ANKS1B: variants seen among roughly 807,000 people sequenced by gnomAD.
ANKS1B encodes the protein ankyrin repeat and sterile alpha motif domain-containing protein 1B.
A neutral mutation model predicts 148.3 loss-of-function variants in ANKS1B; 36 were observed. The ratio of observed to expected loss-of-function variants is 0.24; its 90% confidence interval spans 0.19 to 0.32. The LOEUF (loss-of-function observed/expected upper bound fraction) is 0.32. Among genes scored for constraint, ANKS1B ranks in the 10% least tolerant of loss-of-function variants. The pLI, the probability that ANKS1B is intolerant of heterozygous loss-of-function variation, is 1.00. For missense variants in ANKS1B, 1,157 were observed against 1,542.6 expected (o/e 0.75, Z 4.19); for synonymous variants, 542 against 560.8 (o/e 0.97, Z 0.47).
chr12:99,479,304 T>C (rs1454582438), intron 10 of ANKS1B, among the ~76,000 whole-genome samples: 1 of 152,092 alleles, frequency 6.6e-6, no homozygotes, highest in East Asian at 1.9e-4. Context: ...AATATAACCA[T>C]TTCAACTTTA....
intron 1 of ANKS1B, among the ~76,000 whole-genome samples, chr12:99,936,948 G>A (rs2094791256): frequency 6.6e-6 from 1 of 152,144 alleles, no homozygotes; most frequent in Non-Finnish European, 1.5e-5. Flanking sequence ...CAGGTACATA[G>A]GTAACCAAAG....
At chr12:99,144,954 A>G (rs1028751545) in intron 15 of ANKS1B, among the ~76,000 whole-genome samples, 1 of 152,022 alleles carries the variant, frequency 6.6e-6, no homozygotes, top group East Asian at 1.9e-4. Flanking sequence ...TGTTTCAGCC[A>G]CCTAGTTTGT....
At chr12:99,389,367 G>T (rs2093980970) in intron 12 of ANKS1B, among the ~76,000 whole-genome samples, 1 of 152,186 alleles carries the variant, frequency 6.6e-6, no homozygotes, top group Admixed American at 6.5e-5. Context: ...ACAGATAGAA[G>T]ATCTGAATAG....
At chr12:99,660,198 T>C (rs2098469515) in intron 8 of ANKS1B, among the ~76,000 whole-genome samples, 1 of 152,224 alleles carries the variant, frequency 6.6e-6, no homozygotes, top group Non-Finnish European at 1.5e-5. Flanking sequence ...AAATTATACA[T>C]GAAAGAGTGA....
chr12:99,154,520 G>C (rs1199028108), intron 14 of ANKS1B, 125 bp from the exon 15 acceptor site: 2 of 1,602,248 alleles, frequency 1.2e-6, no homozygotes, highest in South Asian at 1.1e-5. Context: ...TATCAAAGGA[G>C]CCCGCCAGCT....
intron 15 of ANKS1B, chr12:99,104,397 C>G (rs1299750811): frequency 1.3e-5 from 2 of 152,202 alleles, no homozygotes; most frequent in African/African-American, 2.4e-5. Flanking sequence ...TCGTGTAACA[C>G]ATTCCTCTAG....
At chr12:99,767,770 T>C (rs1421962454) in intron 8 of ANKS1B, among the ~76,000 whole-genome samples, 1 of 152,158 alleles carries the variant, frequency 6.6e-6, no homozygotes, top group Non-Finnish European at 1.5e-5. Flanking sequence ...TGAATTAAAA[T>C]GTATGCAAGA....
intron 12 of ANKS1B, among the ~76,000 whole-genome samples, chr12:99,277,975 T>G (rs1353142150): frequency 6.6e-6 from 1 of 152,226 alleles, no homozygotes; most frequent in East Asian, 1.9e-4. Context: ...GTGAGCAAAC[T>G]GATGAAAGTG....
At chr12:99,424,697 T>C (rs548734810) in intron 11 of ANKS1B, among the ~76,000 whole-genome samples, 3 of 151,738 alleles carry the variant, frequency 2.0e-5, no homozygotes, top group African/African-American at 7.3e-5. Flanking sequence ...TCTATCTATC[T>C]GTCATCTATC....
At chr12:99,768,813 G>A (rs1320489527) in intron 8 of ANKS1B, among the ~76,000 whole-genome samples, 1 of 125,180 alleles carries the variant, frequency 8.0e-6, no homozygotes, top group Non-Finnish European at 1.6e-5. Flanking sequence ...GACAGAGCAC[G>A]ACTCCGTCTC....
chr12:99,900,138 A>G (rs978731661), intron 1 of ANKS1B, among the ~76,000 whole-genome samples: 12 of 151,818 alleles, frequency 7.9e-5, no homozygotes, highest in African/African-American at 2.9e-4. Context: ...ACCTCAGGTG[A>G]TCCACCTGCC....
chr12:99,951,765 TC>T, intron 1 of ANKS1B, among the ~76,000 whole-genome samples: 1 of 151,450 alleles, frequency 6.6e-6, no homozygotes. Context: ...ATGCCTGTAG[TC>T]CCAACTATAA....
At chr12:98,836,586 C>A (rs1014991434) in intron 17 of ANKS1B, among the ~76,000 whole-genome samples, 8 of 152,178 alleles carry the variant, frequency 5.3e-5, no homozygotes, top group African/African-American at 1.9e-4. Flanking sequence ...GGCTTTATAG[C>A]AGACTGTCTT....
intron 14 of ANKS1B, among the ~76,000 whole-genome samples, chr12:99,163,651 G>A (rs1201382677): frequency 1.3e-5 from 2 of 151,706 alleles, no homozygotes; most frequent in East Asian, 3.9e-4. Context: ...TTGACCCCTG[G>A]CAACTACTGA....
intron 10 of ANKS1B, among the ~76,000 whole-genome samples, chr12:99,453,430 T>C (rs1009631329): frequency 6.6e-6 from 1 of 152,186 alleles, no homozygotes; most frequent in Non-Finnish European, 1.5e-5. Flanking sequence ...AGTAACCACA[T>C]TGTGAACAAC....
intron 2 of ANKS1B, among the ~76,000 whole-genome samples, chr12:99,824,252 G>A (rs1383884998): frequency 6.6e-6 from 1 of 151,906 alleles, no homozygotes; most frequent in African/African-American, 2.4e-5. Context: ...GCTCACAATC[G>A]GCACTTTGGG....
At chr12:99,844,713 A>T (rs2086343795) in intron 1 of ANKS1B, among the ~76,000 whole-genome samples, 1 of 152,050 alleles carries the variant, frequency 6.6e-6, no homozygotes, top group African/African-American at 2.4e-5. Context: ...TCTCTTTGCT[A>T]TTTGGGCTCT....
intron 17 of ANKS1B, among the ~76,000 whole-genome samples, chr12:98,870,706 G>A (rs1458174400): frequency 2.0e-5 from 3 of 152,110 alleles, no homozygotes; most frequent in Non-Finnish European, 2.9e-5. Flanking sequence ...GCAAACACTT[G>A]GCTGTCAGCT....
chr12:98,851,955 T>C (rs2099529741), intron 17 of ANKS1B, among the ~76,000 whole-genome samples: 1 of 121,400 alleles, frequency 8.2e-6, no homozygotes, highest in Non-Finnish European at 1.6e-5. Flanking sequence ...ACCCAGGAGG[T>C]GGAGGTTGCA....
Sources: gnomAD v4.1 joint callset for allele counts (sites outside exome capture counted in the v4.1 genomes callset) on GRCh38, gnomAD v4.1.1 for gene constraint, MANE v1.5 for transcripts, NCBI Gene and HGNC (gene_info 2026-07-23, HGNC 2026-07-21) for gene names.